AMPH: variants seen among roughly 807,000 people sequenced by gnomAD.
AMPH encodes amphiphysin.
Under a neutral mutation model 99.1 loss-of-function variants are expected in AMPH, and 49 were observed. The observed-to-expected ratio is 0.49, with a 90% CI of 0.39 to 0.63. The LOEUF is 0.63. Ranked by LOEUF, AMPH falls within the 20% of genes least tolerant of loss-of-function variation. AMPH has a pLI of 0.00. For synonymous variants in AMPH, 314 were observed against 317.3 expected, an observed-to-expected ratio of 0.99 and a Z score of 0.11; for missense variants, 759 against 863.4, an observed-to-expected ratio of 0.88 and a Z score of 1.52.
chr7:38,399,522 G>T (rs367816444), intron 17 of AMPH, among the ~76,000 whole-genome samples: 12 of 152,116 alleles, frequency 7.9e-5, no homozygotes, highest in African/African-American at 2.9e-4. Flanking sequence ...AGAGTAAAAA[G>T]GTTTTCATCA....
At chr7:38,590,071 A>G (rs1206180219) in intron 1 of AMPH, among the ~76,000 whole-genome samples, 1 of 152,170 alleles carries the variant, frequency 6.6e-6, no homozygotes, top group East Asian at 1.9e-4. Context: ...TTGTTCTTCC[A>G]GCTCCCAAGA....
chr7:38,389,660 T>G, intron 20 of AMPH, 144 bp downstream of exon 20: 1 of 663,568 alleles, frequency 1.5e-6, no homozygotes, highest in Non-Finnish European at 2.7e-6. Context: ...GTTAATGATC[T>G]ATGCTGTCAC....
At chr7:38,560,972 A>G (rs1232541884) in intron 1 of AMPH, among the ~76,000 whole-genome samples, 1 of 152,224 alleles carries the variant, frequency 6.6e-6, no homozygotes, top group East Asian at 1.9e-4. Context: ...GCTATCAGGA[A>G]ACTTTAAAAA....
chr7:38,443,494 T>A (rs1786637212), intron 11 of AMPH, among the ~76,000 whole-genome samples: 2 of 152,076 alleles, frequency 1.3e-5, no homozygotes, highest in South Asian at 4.1e-4. Context: ...ATAAAAAGGA[T>A]AACATATCAT....
chr7:38,595,418 C>G (rs1793016462), intron 1 of AMPH, among the ~76,000 whole-genome samples: 1 of 152,106 alleles, frequency 6.6e-6, no homozygotes, highest in Non-Finnish European at 1.5e-5. Context: ...GAGGATAGTC[C>G]CTGCCATGTT....
chr7:38,424,839 T>C (rs1236245023), intron 15 of AMPH, among the ~76,000 whole-genome samples: 1 of 151,212 alleles, frequency 6.6e-6, no homozygotes, highest in Non-Finnish European at 1.5e-5. Flanking sequence ...AAAAGGAAGA[T>C]GAAAGAGGTA....
intron 17 of AMPH, among the ~76,000 whole-genome samples, chr7:38,411,975 C>A (rs1387572522): frequency 1.3e-5 from 2 of 152,162 alleles, no homozygotes; most frequent in African/African-American, 2.4e-5. Context: ...TACACCAAGG[C>A]AGACACAAAA....
intron 17 of AMPH, among the ~76,000 whole-genome samples, chr7:38,398,223 A>G (rs1462670227): frequency 6.6e-6 from 1 of 151,778 alleles, no homozygotes; most frequent in Non-Finnish European, 1.5e-5. Flanking sequence ...TCAATATATC[A>G]AGGAGGTATC....
chr7:38,620,967 C>T (rs1324868326), intron 1 of AMPH, among the ~76,000 whole-genome samples: 1 of 152,152 alleles, frequency 6.6e-6, no homozygotes, highest in Admixed American at 6.5e-5. Context: ...CAATTAGGGT[C>T]CACTTTGCCT....
intron 2 of AMPH, among the ~76,000 whole-genome samples, chr7:38,507,123 T>G (rs1049924593): frequency 6.6e-6 from 1 of 152,182 alleles, no homozygotes; most frequent in African/African-American, 2.4e-5. Context: ...GCCTTTTCCT[T>G]CAGTAGAAAT....
chr7:38,496,098 A>T (rs1034858616), intron 3 of AMPH, among the ~76,000 whole-genome samples: 1 of 152,170 alleles, frequency 6.6e-6, no homozygotes. Context: ...GGGAGAGGAG[A>T]GGAAAATCAG....
chr7:38,472,756 GC>G (rs1168292509), intron 7 of AMPH, among the ~76,000 whole-genome samples: 1 of 152,180 alleles, frequency 6.6e-6, no homozygotes, highest in Non-Finnish European at 1.5e-5. Flanking sequence ...TTTCCTAAGT[GC>G]CAGAGTGAGA....
chr7:38,488,609 C>T (rs909851410), intron 5 of AMPH, among the ~76,000 whole-genome samples: 1 of 152,044 alleles, frequency 6.6e-6, no homozygotes, highest in Non-Finnish European at 1.5e-5. Context: ...CCATGGCACA[C>T]GTATACCTAT....
chr7:38,560,551 T>G (rs1791518348), intron 1 of AMPH, among the ~76,000 whole-genome samples: 1 of 152,246 alleles, frequency 6.6e-6, no homozygotes, highest in Admixed American at 6.5e-5. Flanking sequence ...CTGACATCTT[T>G]GCAGTATTAT....
intron 1 of AMPH, among the ~76,000 whole-genome samples, chr7:38,605,872 G>T (rs1793418573): frequency 6.6e-6 from 1 of 152,106 alleles, no homozygotes; most frequent in Non-Finnish European, 1.5e-5. Flanking sequence ...CACCGCACCT[G>T]GCCTTTATAA....
chr7:38,403,665 G>A (rs73348848), intron 17 of AMPH, among the ~76,000 whole-genome samples: 3,178 of 152,332 alleles, frequency 0.021, 98 homozygotes, highest in African/African-American at 0.072. Context: ...AGGCCGCCCC[G>A]AGGGAAGGGG....
intron 1 of AMPH, among the ~76,000 whole-genome samples, chr7:38,536,388 A>G (rs1338717065): frequency 6.6e-6 from 1 of 152,244 alleles, no homozygotes; most frequent in Non-Finnish European, 1.5e-5. Context: ...ATAATGTTAT[A>G]TTAATAAATA....
At position 38,494,282 on chromosome 7, in the gene AMPH, T is replaced by C. The variant is rs1788840304; in HGVS notation, c.300+151A>G. 5 of 647,196 alleles carry C rather than the reference T, an allele frequency of 7.7e-6. No individual in the cohort carries two copies. In the East Asian group the frequency reaches 1.4e-4, roughly 18 times the overall value. The allele number at this position is 647,196 out of a possible 1,614,324, so 40.1% of individuals were successfully genotyped here. On this transcript the variant is annotated intron_variant, in intron 4 of 20. Coordinates refer to ENST00000356264, the MANE Select transcript of AMPH (RefSeq NM_001635.4). ...CCCATCTTCACTTTTCACTCTAAGT[T>C]TGGAATCATCAGGCAGCAGAACTGC...
intron 16 of AMPH, among the ~76,000 whole-genome samples, chr7:38,419,920 T>G (rs143555199): frequency 6.6e-6 from 1 of 152,322 alleles, no homozygotes; most frequent in East Asian, 1.9e-4. Context: ...GAGTCTGGGT[T>G]TCTTAGAAGT....
Sources: allele counts gnomAD v4.1 joint callset (sites outside exome capture counted in the v4.1 genomes callset), GRCh38; gene constraint gnomAD v4.1.1; transcripts MANE v1.5; gene names NCBI Gene and HGNC (gene_info 2026-07-23, HGNC 2026-07-21).